The following PPP1R16A variants were observed in gnomAD, a reference collection of about 807,000 sequenced individuals.
The protein encoded by PPP1R16A is myosin phosphatase-targeting subunit 3.
In PPP1R16A, 39 loss-of-function variants were observed where a neutral mutation model predicts 46.6. The ratio of observed to expected loss-of-function variants is 0.84; its 90% CI spans 0.65 to 1.09. The LOEUF (loss-of-function observed/expected upper bound fraction) is 1.09. Ranked by LOEUF, PPP1R16A falls within the 50% of genes least tolerant of loss-of-function variation. The pLI, the probability that PPP1R16A is intolerant of heterozygous loss-of-function variation, is 0.00. For missense variants in PPP1R16A, 798 were observed against 735.6 expected (o/e 1.08, Z -0.98); for synonymous variants, 413 against 321.5 (o/e 1.28, Z -3.04).
intron 10 of PPP1R16A, 30 bp from the exon 11 acceptor site, chr8:144,501,099 C>G: frequency 6.2e-7 from 1 of 1,605,484 alleles, no homozygotes; most frequent in East Asian, 2.2e-5. Flanking sequence ...ACTCCCCTTC[C>G]CCTCACTCCC....
chr8:144,498,035 T>G (rs1378429632), intron 3 of PPP1R16A: 6 of 455,966 alleles, frequency 1.3e-5, no homozygotes, highest in Admixed American at 4.7e-5. Flanking sequence ...CTCTGGAGTC[T>G]TGGGGGAAGA....
chr8:144,499,442 A>T (rs1826284107), intron 5 of PPP1R16A: 1 of 243,206 alleles, frequency 4.1e-6, no homozygotes, highest in Non-Finnish European at 7.9e-6. Context: ...CTTTACCTTT[A>T]ACACAGAGGG....
Position 144,493,184 on chromosome 8 carries a change from G to A in PPP1R16A, c.-735+2972G>A, listed in dbSNP as rs1163271494. Among the ~76,000 whole-genome samples the A allele has an allele frequency of 1.3e-5, 2 of 152,134 alleles. No homozygotes were observed. Among genetic ancestry groups the A allele is most frequent in the African/African-American group, 2.4e-5 (1 of 41,432 alleles). On this transcript the variant is annotated intron_variant, in intron 2 of 11. Transcript: ENST00000435887. This position sits in a 1 kb window ranked among gnomAD's most constrained non-coding sequence, Gnocchi z 4.3. ...ACGGTGGGTGGGGGTCGGGGACAGTGCCCAGTATCCTCCATGGGGCTCCTC... is the reference window on the plus strand; with the variant it reads ...ACGGTGGGTGGGGGTCGGGGACAGTACCCAGTATCCTCCATGGGGCTCCTC...
chr8:144,497,693 A>G lies in PPP1R16A; in HGVS notation c.259+240A>G, dbSNP rs568188188. ...CAGCCGTCCTTCAGGCGGGGGCTGCATGCAGAGGGCTCCTGCTGTGAGGTG... is the reference window on the plus strand; with the variant it reads ...CAGCCGTCCTTCAGGCGGGGGCTGCGTGCAGAGGGCTCCTGCTGTGAGGTG... On this transcript the variant is annotated intron_variant, in intron 3 of 11. Transcript: ENST00000435887. 70 of 652,488 alleles carry G rather than the reference A, an allele frequency of 1.1e-4. No homozygotes were observed. In the East Asian group the frequency reaches 1.9e-3, roughly 18 times the overall value. The allele number at this position is 652,488 out of a possible 1,614,324, so 40.4% of individuals were successfully genotyped here.
chr8:144,484,651 G>A (rs1358321014), intron 1 of PPP1R16A, among the ~76,000 whole-genome samples: 2 of 152,214 alleles, frequency 1.3e-5, no homozygotes, highest in Non-Finnish European at 2.9e-5. Flanking sequence ...AAATTGAAGA[G>A]GGAGATGCAA....
chr8:144,494,221 T>C (rs1191547420), intron 2 of PPP1R16A, among the ~76,000 whole-genome samples: 1 of 151,786 alleles, frequency 6.6e-6, no homozygotes, highest in Non-Finnish European at 1.5e-5. Context: ...ACCAGCCTGC[T>C]TAGGCCTCCC....
At chr8:144,482,651 C>T (rs1825478065) in intron 1 of PPP1R16A, among the ~76,000 whole-genome samples, 1 of 148,590 alleles carries the variant, frequency 6.7e-6, no homozygotes, top group Admixed American at 6.7e-5. Flanking sequence ...GCATGCCCAG[C>T]TAACTTTTTT....
At chr8:144,499,210 C>A in intron 5 of PPP1R16A, 149 bp downstream of exon 5, 1 of 1,061,766 alleles carries the variant, frequency 9.4e-7, no homozygotes, top group Non-Finnish European at 1.3e-6. Flanking sequence ...GCATGGAGAG[C>A]AGGGCCTGGG....
At position 144,498,779 on chromosome 8, in the gene PPP1R16A, T is replaced by C. The variant is rs1357911862; in HGVS notation, c.269T>C (p.Phe90Ser). ...CGCCACCTTTTTGCAGTCCGCCAGT[T>C]CCTTGGGAGTGGGGTCAGCCCTGAC... ...ARNDLEEVRQ[F>S]LGSGVSPDLA... Residue 90 changes from phenylalanine (F) to serine (S), a missense_variant, in exon 4 of 12, where the codon TTC becomes TCC. Phe to Ser is a radical substitution (Grantham distance 155). Coordinates refer to ENST00000435887, the MANE Select transcript of PPP1R16A (RefSeq NM_001329443.2). 6.3e-7 allele frequency: 1 copy of C among 1,589,214 alleles called. No individual in the cohort carries two copies. Among genetic ancestry groups the C allele is most frequent in the Non-Finnish European group, 8.6e-7 (1 of 1,162,078 alleles).
Position 144,501,820 on chromosome 8 carries a change from G to A in PPP1R16A, c.1504G>A (p.Gly502Ser), listed in dbSNP as rs1826513187. The A allele has an allele frequency of 3.9e-6, 6 of 1,552,352 alleles. No homozygotes were observed. In the South Asian group the frequency reaches 7.1e-5, roughly 18 times the overall value. Residue 502 changes from glycine (G) to serine (S), a missense_variant, in exon 12 of 12, where the codon GGC becomes AGC. Transcript: ENST00000435887. ...CCAGCCTGACTGTGGCTTCAGGGCA[G>A]GCGGGGACCCACCCCTGCTCAAGCT... ...TPQPDCGFRAGGDPPLLKLTA... is the reference protein window; with the variant it reads ...TPQPDCGFRASGDPPLLKLTA...
chr8:144,500,986 C>A lies in PPP1R16A; in HGVS notation c.1037+15C>A, dbSNP rs1263339552. Reference sequence around the variant, plus strand: ...GGCAGCCGCGGGTGAGCGCCGCCCCCAGCAGGCCCCGCCCCGGGCTTGGCC... The same window carrying A: ...GGCAGCCGCGGGTGAGCGCCGCCCCAAGCAGGCCCCGCCCCGGGCTTGGCC... On this transcript the variant is annotated intron_variant, in intron 10 of 11. Transcript: ENST00000435887. 7.0e-7 allele frequency: 1 copy of A among 1,434,936 alleles called. No individual in the cohort carries two copies. The highest frequency in any genetic ancestry group is 1.5e-5 in the African/African-American group (1 of 66,790). The allele number at this position is 1,434,936 out of a possible 1,614,324, so 88.9% of individuals were successfully genotyped here.
intron 1 of PPP1R16A, among the ~76,000 whole-genome samples, chr8:144,481,975 C>T (rs1042483987): frequency 6.8e-6 from 1 of 147,514 alleles, no homozygotes; most frequent in Non-Finnish European, 1.5e-5. Context: ...GACAGGGTTT[C>T]ACCATGCTGG....
chr8:144,483,990 TG>T (rs1376138877), intron 1 of PPP1R16A, among the ~76,000 whole-genome samples: 1 of 152,238 alleles, frequency 6.6e-6, no homozygotes, highest in East Asian at 1.9e-4. Flanking sequence ...TTCTTGGAAA[TG>T]CCTTTCCAGC....
In PPP1R16A at chr8:144,493,058, G is replaced by T. The variant is rs909672511; in HGVS notation, c.-735+2846G>T. Among the ~76,000 whole-genome samples, 1 of 152,118 alleles carries T rather than the reference G, an allele frequency of 6.6e-6. No homozygotes were observed. Among genetic ancestry groups the T allele is most frequent in the Non-Finnish European group, 1.5e-5 (1 of 67,990 alleles). ...TGATGGGAGTAGAGAGGGCACTGAG[G>T]CTCTCGGGCCTGGAGCTGTCCTCAC... On this transcript the variant is annotated intron_variant, in intron 2 of 11. Coordinates refer to ENST00000435887, the MANE Select transcript of PPP1R16A (RefSeq NM_001329443.2). The surrounding 1 kb of genome is among the most constrained non-coding windows in gnomAD (Gnocchi z 4.3).
chr8:144,495,039 A>T (rs906958556), intron 2 of PPP1R16A, among the ~76,000 whole-genome samples: 1 of 152,152 alleles, frequency 6.6e-6, no homozygotes, highest in Non-Finnish European at 1.5e-5. Context: ...CAGGCTTAGG[A>T]GCAGGCTGCT....
Position 144,478,117 on chromosome 8 carries a change from CG to C in PPP1R16A, c.-920del. The C allele has an allele frequency of 5.1e-6, 2 of 395,518 alleles. No homozygotes were observed. The highest frequency in any genetic ancestry group is 3.6e-5 in the East Asian group (1 of 27,882). The allele number at this position is 395,518 out of a possible 1,614,324, so 24.5% of individuals were successfully genotyped here. A position where few individuals can be genotyped will look rare whatever the true frequency, so the allele number is the denominator to read the frequency against. On this transcript the variant is annotated 5_prime_UTR_variant, in exon 1 of 12. The change abolishes the stop of an existing upstream ORF in the 5' untranslated region. Transcript: ENST00000435887. Reference sequence around the variant, plus strand: ...GGACCCACTTGTGCGGCGGTCGGCGCGGGGCGCGAGGTGAGGCGCGGACTCC... The same window carrying C: ...GGACCCACTTGTGCGGCGGTCGGCGCGGGCGCGAGGTGAGGCGCGGACTCC...
rs772306204 is a variant in PPP1R16A at position 144,493,304 on chromosome 8, G to A, written c.-735+3092G>A. Among the ~76,000 whole-genome samples, 4 of 152,134 alleles carry A rather than the reference G, an allele frequency of 2.6e-5. No individual in the cohort carries two copies. The highest frequency in any genetic ancestry group is 7.2e-5 in the African/African-American group (3 of 41,442). ...GTTTAGAACTGGAATGAACCGACCC[G>A]GGAATCTGTTTGACATTCCAAGGAG... On this transcript the variant is annotated intron_variant, in intron 2 of 11. Transcript: ENST00000435887. This position sits in a 1 kb window ranked among gnomAD's most constrained non-coding sequence, Gnocchi z 4.3.
rs1222652264 is a variant in PPP1R16A at position 144,501,147 on chromosome 8, G to A, written c.1056G>A (p.Val352=). 6.2e-7 allele frequency: 1 copy of A among 1,610,904 alleles called. No individual in the cohort carries two copies. Among genetic ancestry groups the A allele is most frequent in the Admixed American group, 1.7e-5 (1 of 60,006 alleles). ...AGSRGKVVRR[V]SLTQRTDLYR... is the part of the protein sequence containing the mutation. ...TCCCCAGGAAGGTGGTGAGGCGGGT[G>A]AGCCTAACCCAGCGCACCGACCTGT... The change falls in exon 11 of 12, where the codon GTG becomes GTA. Residue 352 remains valine (V), a synonymous_variant. Transcript: ENST00000435887.
intron 1 of PPP1R16A, chr8:144,478,596 C>G (rs1825270915): frequency 6.5e-6 from 1 of 154,718 alleles, no homozygotes; most frequent in East Asian, 1.9e-4. Context: ...ATGAGGAAAT[C>G]GAGGCCGCAG....
Sources: allele counts gnomAD v4.1 joint callset (sites outside exome capture counted in the v4.1 genomes callset), GRCh38; gene constraint gnomAD v4.1.1; non-coding constraint Gnocchi (gnomAD v3.1); transcripts MANE v1.5; gene names NCBI Gene and HGNC (gene_info 2026-07-23, HGNC 2026-07-21).